BTF3L4: variants seen among roughly 807,000 people sequenced by gnomAD.
The protein encoded by BTF3L4 is transcription factor BTF3 homolog 4.
A neutral mutation model predicts 16.8 loss-of-function variants in BTF3L4; 6 were observed. The observed-to-expected ratio is 0.36, with a 90% confidence interval of 0.20 to 0.71. The LOEUF (loss-of-function observed/expected upper bound fraction) is 0.71. Among genes scored for constraint, BTF3L4 ranks in the 30% least tolerant of loss-of-function variants. The probability of loss-of-function intolerance (pLI) is 0.58; values close to 1 mark genes in which losing one functional copy is unlikely to be tolerated. For missense variants in BTF3L4, 92 were observed against 186.9 expected, an observed-to-expected ratio of 0.49 and a Z score of 2.96; for synonymous variants, 39 against 59.8, an observed-to-expected ratio of 0.65 and a Z score of 1.60.
In BTF3L4 at chr1:52,087,483, T is replaced by C. The variant is rs941384405; in HGVS notation, c.*725T>C. On this transcript the variant is annotated 3_prime_UTR_variant, in exon 6 of 6. Coordinates refer to ENST00000313334, the MANE Select transcript of BTF3L4 (RefSeq NM_152265.5). Reference sequence around the variant, plus strand: ...GTCTCCAAATGGCCTGGTCAGCTTTTGGTAATATTCTTCCTCATCTTCCAC... The same window carrying C: ...GTCTCCAAATGGCCTGGTCAGCTTTCGGTAATATTCTTCCTCATCTTCCAC... The C allele has an allele frequency of 3.9e-5, 6 of 152,172 alleles. No individual in the cohort carries two copies. The highest frequency in any genetic ancestry group is 1.4e-4 in the African/African-American group (6 of 41,428). 9.4% of individuals were successfully genotyped at this position (152,172 alleles called of 1,614,324 possible).
chr1:52,083,627 A>C, intron 4 of BTF3L4, 86 bp downstream of exon 4: 1 of 1,038,306 alleles, frequency 9.6e-7, no homozygotes, highest in East Asian at 2.4e-5. Context: ...CTTAATTTGG[A>C]TTTGCCTGTA....
intron 3 of BTF3L4, among the ~76,000 whole-genome samples, chr1:52,068,552 A>G (rs1416292649): frequency 6.6e-6 from 1 of 152,232 alleles, no homozygotes; most frequent in Non-Finnish European, 1.5e-5. Context: ...AGTAAGTGCT[A>G]GAATTCCAGG....
At chr1:52,078,638 G>C (rs930077762) in intron 3 of BTF3L4, among the ~76,000 whole-genome samples, 1 of 152,142 alleles carries the variant, frequency 6.6e-6, no homozygotes, top group African/African-American at 2.4e-5. Flanking sequence ...TGTGCAAGAT[G>C]GAGAAGTAGG....
intron 3 of BTF3L4, among the ~76,000 whole-genome samples, chr1:52,076,461 C>T (rs1686936699): frequency 6.6e-6 from 1 of 151,594 alleles, no homozygotes; most frequent in African/African-American, 2.4e-5. Flanking sequence ...ACTCTAATCC[C>T]AGATACTCAG....
At chr1:52,059,326 C>G (rs1401180201) in intron 1 of BTF3L4, among the ~76,000 whole-genome samples, 5 of 152,086 alleles carry the variant, frequency 3.3e-5, no homozygotes, top group Non-Finnish European at 7.4e-5. Context: ...AGCTAGACAG[C>G]CTTTTGTTGA....
intron 2 of BTF3L4, among the ~76,000 whole-genome samples, chr1:52,063,768 C>T (rs912499246): frequency 6.6e-6 from 1 of 152,146 alleles, no homozygotes; most frequent in African/African-American, 2.4e-5. Flanking sequence ...AAGCATCATC[C>T]AAATGTCCTC....
rs1643906339 is a variant in BTF3L4 at position 52,080,320 on chromosome 1, C to T, written c.169-3020C>T. On this transcript the variant is annotated intron_variant, in intron 3 of 5. Coordinates refer to ENST00000313334, the MANE Select transcript of BTF3L4 (RefSeq NM_152265.5). ...TATGTTGCTAACAAAGAGCTTTTGT[C>T]TTCAGTGTTTATTTCTTTAACATAA... Among the ~76,000 whole-genome samples the T allele has an allele frequency of 2.0e-5, 3 of 152,022 alleles. No individual in the cohort carries two copies. In the South Asian group the frequency reaches 6.2e-4, roughly 32 times the overall value.
chr1:52,065,466 A>T (rs1417434979), intron 3 of BTF3L4: 1 of 152,002 alleles, frequency 6.6e-6, no homozygotes, highest in Non-Finnish European at 1.5e-5. Flanking sequence ...GGGTTTCACC[A>T]TGCTGGCCAG....
intron 2 of BTF3L4, 38 bp downstream of exon 2, chr1:52,059,939 T>C: frequency 6.4e-7 from 1 of 1,562,038 alleles, no homozygotes; most frequent in Non-Finnish European, 8.8e-7. Flanking sequence ...GGAGAATGTA[T>C]GATTACCAGA....
intron 4 of BTF3L4, 47 bp downstream of exon 4, chr1:52,083,588 AG>A (rs1643943492): frequency 6.9e-7 from 1 of 1,455,640 alleles, no homozygotes; most frequent in African/African-American, 1.4e-5. Context: ...CCTTACTTAA[AG>A]AACCTAATCA....
At chr1:52,080,905 T>C (rs577638133) in intron 3 of BTF3L4, among the ~76,000 whole-genome samples, 5 of 140,898 alleles carry the variant, frequency 3.5e-5, no homozygotes, top group Non-Finnish European at 7.6e-5. Context: ...AGTGGCACAA[T>C]CTCAGCTCAC....
chr1:52,059,101 C>T (rs1686447223), intron 1 of BTF3L4, among the ~76,000 whole-genome samples: 1 of 150,678 alleles, frequency 6.6e-6, no homozygotes. Flanking sequence ...ATTACTGTAG[C>T]AAAGATATGT....
chr1:52,075,492 A>G (rs1318934051), intron 3 of BTF3L4, among the ~76,000 whole-genome samples: 1 of 149,416 alleles, frequency 6.7e-6, no homozygotes, highest in Non-Finnish European at 1.5e-5. Context: ...ACTACACTAC[A>G]GCCTGCTGGG....
chr1:52,070,826 G>C (rs1686770995), intron 3 of BTF3L4, among the ~76,000 whole-genome samples: 1 of 151,720 alleles, frequency 6.6e-6, no homozygotes, highest in Non-Finnish European at 1.5e-5. Flanking sequence ...AGTAGAGACG[G>C]GGTTTCACCA....
chr1:52,086,473 A>G (rs1025752645), intron 5 of BTF3L4: 18 of 484,358 alleles, frequency 3.7e-5, no homozygotes, highest in South Asian at 1.9e-4. Flanking sequence ...TGAAAATGCT[A>G]TTCACCTCAG....
intron 3 of BTF3L4, among the ~76,000 whole-genome samples, chr1:52,080,348 G>A (rs1215530089): frequency 6.6e-6 from 1 of 151,896 alleles, no homozygotes; most frequent in African/African-American, 2.4e-5. Flanking sequence ...TAACATAAAG[G>A]ATTTGAACTG....
At chr1:52,070,147 G>A (rs1686748249) in intron 3 of BTF3L4, among the ~76,000 whole-genome samples, 1 of 151,374 alleles carries the variant, frequency 6.6e-6, no homozygotes, top group Admixed American at 6.6e-5. Context: ...AACCTGGGAA[G>A]CAGAGGTTGC....
intron 3 of BTF3L4, among the ~76,000 whole-genome samples, chr1:52,069,064 A>G (rs1372008696): frequency 2.6e-5 from 4 of 152,228 alleles, no homozygotes; most frequent in East Asian, 1.9e-4. Flanking sequence ...TTAATGCCAC[A>G]TAATAGATAT....
intron 3 of BTF3L4, among the ~76,000 whole-genome samples, chr1:52,068,115 G>A (rs893701642): frequency 6.6e-6 from 1 of 152,136 alleles, no homozygotes; most frequent in African/African-American, 2.4e-5. Context: ...CTCATAATTA[G>A]TAAAACTTTT....
Sources: gnomAD v4.1 joint callset for allele counts (sites outside exome capture counted in the v4.1 genomes callset) on GRCh38, gnomAD v4.1.1 for gene constraint, MANE v1.5 for transcripts, NCBI Gene and HGNC (gene_info 2026-07-23, HGNC 2026-07-21) for gene names.